Variants in PLXNA4 observed in about 807,000 individuals in gnomAD.
PLXNA4 encodes plexin A4.
PLXNA4 carries 44 observed loss-of-function variants against 191.8 expected under a neutral mutation model. The observed-to-expected ratio is 0.23, with a 90% CI of 0.18 to 0.29. The LOEUF (loss-of-function observed/expected upper bound fraction) is 0.29, where lower values mean the gene tolerates loss of function less well. Among genes scored for constraint, PLXNA4 ranks in the 10% least tolerant of loss-of-function variants. The pLI is 1.00. For missense variants in PLXNA4, 1,800 were observed against 2,488.8 expected (o/e 0.72, Z 5.89); for synonymous variants, 1,082 against 1,009.5 (o/e 1.07, Z -1.36).
At chr7:132,259,482 G>GAAAAAAAAAA (rs1414792493) in intron 4 of PLXNA4, among the ~76,000 whole-genome samples, 25 of 111,380 alleles carry the variant, frequency 2.2e-4, no homozygotes, top group Non-Finnish European at 2.9e-4. Context: ...AAGAAAAAAG[G>GAAAAAAAAAA]AAAAAAGAAA....
intron 31 of PLXNA4, among the ~76,000 whole-genome samples, chr7:132,132,210 T>C (rs1474691270): frequency 6.6e-6 from 1 of 152,164 alleles, no homozygotes; most frequent in Non-Finnish European, 1.5e-5. Context: ...CCTGGGCTGA[T>C]CAGAAGATGT....
chr7:132,268,975 C>T (rs1247391120), intron 4 of PLXNA4, among the ~76,000 whole-genome samples: 1 of 152,186 alleles, frequency 6.6e-6, no homozygotes, highest in Admixed American at 6.5e-5. Context: ...ACTTGGAATA[C>T]CTCCAAAAGT....
At chr7:132,433,620 A>G (rs957371938) in intron 3 of PLXNA4, among the ~76,000 whole-genome samples, 1 of 152,212 alleles carries the variant, frequency 6.6e-6, no homozygotes, top group Non-Finnish European at 1.5e-5. Context: ...AAAGAGAACC[A>G]GCTGGACACC....
chr7:132,455,919 A>AAGTTGTCAGGAGAATGCAGGTGAG (rs1330671592), intron 3 of PLXNA4, among the ~76,000 whole-genome samples: 1 of 152,094 alleles, frequency 6.6e-6, no homozygotes, highest in African/African-American at 2.4e-5. Context: ...GGGGCATGCA[A>AAGTTGTCAGGAGAATGCAGGTGAG]AGTTGTCAGG....
intron 1 of PLXNA4, among the ~76,000 whole-genome samples, chr7:132,572,821 GT>G (rs1432141686): frequency 2.0e-5 from 3 of 152,158 alleles, no homozygotes; most frequent in African/African-American, 7.2e-5. Context: ...AAGAGACAGT[GT>G]CCTGTCCACA....
At chr7:132,610,924 G>A (rs901174067) in intron 2 of PLXNA4, among the ~76,000 whole-genome samples, 2 of 152,140 alleles carry the variant, frequency 1.3e-5, no homozygotes, top group African/African-American at 4.8e-5. Flanking sequence ...GGCCCGTGGA[G>A]CAGTTCCTTG....
At chr7:132,607,012 T>C (rs963790318) in intron 2 of PLXNA4, among the ~76,000 whole-genome samples, 9 of 152,154 alleles carry the variant, frequency 5.9e-5, no homozygotes, top group Non-Finnish European at 1.3e-4. Flanking sequence ...TGGAATGGGG[T>C]TTCTGAATCA....
intron 14 of PLXNA4, among the ~76,000 whole-genome samples, chr7:132,193,564 A>C (rs1203406088): frequency 6.6e-6 from 1 of 152,240 alleles, no homozygotes; most frequent in Non-Finnish European, 1.5e-5. Flanking sequence ...TAATAAAACA[A>C]ATGATACTAG....
intron 3 of PLXNA4, among the ~76,000 whole-genome samples, chr7:132,422,753 A>G (rs1033523990): frequency 3.3e-5 from 5 of 152,312 alleles, no homozygotes; most frequent in African/African-American, 1.2e-4. Context: ...CTGTTCCAGG[A>G]GCTCCTGGCC....
At chr7:132,369,845 G>A (rs930087645) in intron 3 of PLXNA4, among the ~76,000 whole-genome samples, 1 of 151,632 alleles carries the variant, frequency 6.6e-6, no homozygotes, top group African/African-American at 2.4e-5. Flanking sequence ...GAGGCGGGCG[G>A]ATCACAAGGT....
chr7:132,445,867 A>G (rs1440146988), intron 3 of PLXNA4, among the ~76,000 whole-genome samples: 2 of 152,150 alleles, frequency 1.3e-5, no homozygotes, highest in Non-Finnish European at 1.5e-5. Flanking sequence ...AGCTCCTCAC[A>G]CAGCCTCTCA....
chr7:132,297,467 T>C (rs1801132077), intron 4 of PLXNA4, among the ~76,000 whole-genome samples: 1 of 152,082 alleles, frequency 6.6e-6, no homozygotes, highest in Admixed American at 6.5e-5. Context: ...CGTTCTCAGC[T>C]CAGTTTGAGA....
At chr7:132,183,991 C>G (rs540984938) in intron 16 of PLXNA4, among the ~76,000 whole-genome samples, 1 of 152,148 alleles carries the variant, frequency 6.6e-6, no homozygotes, top group Non-Finnish European at 1.5e-5. Context: ...CATGGCTGTG[C>G]GCCAATAAAA....
At chr7:132,637,696 G>A (rs1021673785) in intron 2 of PLXNA4, among the ~76,000 whole-genome samples, 1 of 152,168 alleles carries the variant, frequency 6.6e-6, no homozygotes, top group Non-Finnish European at 1.5e-5. Context: ...AGTTACTCCA[G>A]CAGAAAATCC....
intron 2 of PLXNA4, among the ~76,000 whole-genome samples, chr7:132,635,170 T>TTATTTA (rs1470708373): frequency 6.8e-5 from 9 of 131,812 alleles, no homozygotes; most frequent in Non-Finnish European, 1.3e-4. Context: ...AAACTCCCCT[T>TTATTTA]TATATATATA....
In PLXNA4 at chr7:132,317,888, C is replaced by G. The variant is rs75301419; in HGVS notation, c.1372-19666G>C. Among the ~76,000 whole-genome samples, 143 of 152,182 alleles carry G rather than the reference C, an allele frequency of 9.4e-4. 1 individual carries two copies. The highest frequency in any genetic ancestry group is 3.3e-3 in the African/African-American group (138 of 41,502). On this transcript the variant is annotated intron_variant, in intron 3 of 31. Coordinates refer to ENST00000321063, the MANE Select transcript of PLXNA4 (RefSeq NM_020911.2). ...TTCAGAAATGGGTAGGGAAGAAATCCAAGAGCAGGGAGTGGAGAACAAGAG... is the reference window on the plus strand; with the variant it reads ...TTCAGAAATGGGTAGGGAAGAAATCGAAGAGCAGGGAGTGGAGAACAAGAG...
intron 3 of PLXNA4, among the ~76,000 whole-genome samples, chr7:132,482,934 G>A (rs1797395301): frequency 6.6e-6 from 1 of 151,982 alleles, no homozygotes; most frequent in South Asian, 2.1e-4. Context: ...CTCATGATCT[G>A]TGTGCCTCAG....
chr7:132,379,141 G>A (rs1029408604), intron 3 of PLXNA4, among the ~76,000 whole-genome samples: 4 of 152,118 alleles, frequency 2.6e-5, no homozygotes, highest in South Asian at 4.2e-4. Context: ...ATGAGCAACC[G>A]TGCTCGGCCA....
At chr7:132,580,845 G>A (rs1802388616), upstream of PLXNA4, among the ~76,000 whole-genome samples, 1 of 152,130 alleles carries the variant, frequency 6.6e-6, no homozygotes, top group Non-Finnish European at 1.5e-5. Flanking sequence ...ACCTTGCACT[G>A]GATAGAAAAA....
Sources: gnomAD v4.1 joint callset for allele counts (sites outside exome capture counted in the v4.1 genomes callset) on GRCh38, gnomAD v4.1.1 for gene constraint, MANE v1.5 for transcripts, NCBI Gene and HGNC (gene_info 2026-07-23, HGNC 2026-07-21) for gene names.